FRMPD4: variants seen among roughly 807,000 people sequenced by gnomAD.
The protein encoded by FRMPD4 is FERM and PDZ domain-containing protein 4.
Under a neutral mutation model 94.1 loss-of-function variants are expected in FRMPD4, and 22 were observed. That is an observed-to-expected ratio of 0.23 (90% confidence interval 0.17 to 0.33). The LOEUF (loss-of-function observed/expected upper bound fraction) is 0.33. Among genes scored for constraint, FRMPD4 ranks in the 10% least tolerant of loss-of-function variants. FRMPD4 has a pLI of 1.00. For synonymous variants in FRMPD4, 631 were observed against 548.6 expected, an observed-to-expected ratio of 1.15 and a Z score of -2.10; for missense variants, 1,111 against 1,339.9, an observed-to-expected ratio of 0.83 and a Z score of 2.67.
At chrX:12,028,843 C>T (rs555960496) in intron 3 of FRMPD4, among the ~76,000 whole-genome samples, 3 of 111,617 alleles carry the variant, frequency 2.7e-5, no homozygotes, top group African/African-American at 9.8e-5. Flanking sequence ...GAATAATATT[C>T]CATTGTCTGA....
At chrX:11,837,125 C>T (rs2053505491) in intron 1 of FRMPD4, among the ~76,000 whole-genome samples, 1 of 111,889 alleles carries the variant, frequency 8.9e-6, no homozygotes, top group South Asian at 3.7e-4. Context: ...AATCACTTTC[C>T]TCATAGCCTT....
intron 1 of FRMPD4, among the ~76,000 whole-genome samples, chrX:12,139,465 T>G (rs1270454913): frequency 9.3e-6 from 1 of 107,624 alleles, no homozygotes; most frequent in African/African-American, 3.4e-5. Context: ...CAAAGTCAGC[T>G]CCTAGATTGA....
At chrX:11,912,420 C>T (rs1300532735) in intron 3 of FRMPD4, among the ~76,000 whole-genome samples, 1 of 112,539 alleles carries the variant, frequency 8.9e-6, no homozygotes, top group African/African-American at 3.2e-5. Flanking sequence ...GAGTTTAATA[C>T]TGCTTTTTTA....
intron 3 of FRMPD4, among the ~76,000 whole-genome samples, chrX:12,010,775 T>C (rs1187892019): frequency 8.9e-6 from 1 of 112,417 alleles, no homozygotes; most frequent in Non-Finnish European, 1.9e-5. Flanking sequence ...AGATGAAGAA[T>C]GAATGGCATC....
intron 2 of FRMPD4, among the ~76,000 whole-genome samples, chrX:12,586,860 C>A (rs1432183202): frequency 8.9e-6 from 1 of 111,951 alleles, no homozygotes; most frequent in Non-Finnish European, 1.9e-5. Flanking sequence ...TGCAAGGGAG[C>A]TTTCGTTTCC....
intron 3 of FRMPD4, among the ~76,000 whole-genome samples, chrX:12,083,199 C>T (rs1373641483): frequency 8.9e-6 from 1 of 112,762 alleles, no homozygotes; most frequent in African/African-American, 3.2e-5. Context: ...CCCAGGGTTC[C>T]CATGCTGCGT....
At chrX:11,964,464 C>T (rs1480330446) in intron 3 of FRMPD4, among the ~76,000 whole-genome samples, 1 of 111,019 alleles carries the variant, frequency 9.0e-6, no homozygotes, top group Non-Finnish European at 1.9e-5. Context: ...GTTTTTAAGA[C>T]ACTCCACTAT....
intron 1 of FRMPD4, among the ~76,000 whole-genome samples, chrX:12,289,083 T>G (rs1202251377): frequency 8.9e-6 from 1 of 111,800 alleles, no homozygotes. Context: ...CTTCTTCCTT[T>G]TTTTCTGGAT....
chrX:12,075,654 A>G (rs2055007195), intron 3 of FRMPD4, among the ~76,000 whole-genome samples: 1 of 111,826 alleles, frequency 8.9e-6, no homozygotes, highest in African/African-American at 3.3e-5. Context: ...ATTGTGGGAA[A>G]GTTAGCTTTC....
chrX:12,067,100 G>A (rs1431678444), intron 3 of FRMPD4, among the ~76,000 whole-genome samples: 6 of 109,558 alleles, frequency 5.5e-5, no homozygotes, highest in African/African-American at 2.0e-4. Context: ...TCAAACTCTT[G>A]ACCTCATGAT....
chrX:12,546,647 T>A (rs73192472), intron 2 of FRMPD4, among the ~76,000 whole-genome samples: 2,282 of 111,587 alleles, frequency 0.02, 28 homozygotes, highest in Non-Finnish European at 0.033. Context: ...CTATAAGAGG[T>A]ACCTGGTTAA....
At chrX:12,241,910 TAAGAAG>T (rs755214875) in intron 1 of FRMPD4, among the ~76,000 whole-genome samples, 17 of 83,760 alleles carry the variant, frequency 2.0e-4, no homozygotes, top group East Asian at 1.5e-3. Context: ...CTAAAAAAAA[TAAGAAG>T]AAGAAGGAGA....
intron 1 of FRMPD4, chrX:12,495,046 AG>A (rs2057831810): frequency 2.8e-6 from 2 of 715,752 alleles, no homozygotes; most frequent in Non-Finnish European, 1.7e-6. Context: ...CTGTGCACCC[AG>A]GATCACACAG....
chrX:11,943,106 A>G (rs765461363), intron 3 of FRMPD4, among the ~76,000 whole-genome samples: 1 of 111,964 alleles, frequency 8.9e-6, no homozygotes, highest in Admixed American at 9.5e-5. Context: ...AAGGACAAAC[A>G]GGCACATCTT....
chrX:12,460,406 G>C (rs2148153761), intron 1 of FRMPD4, among the ~76,000 whole-genome samples: 1 of 111,857 alleles, frequency 8.9e-6, no homozygotes, highest in South Asian at 3.7e-4. Context: ...CTTATGTTTG[G>C]AGATATGATC....
chrX:12,360,326 G>A (rs1034379703), intron 1 of FRMPD4, among the ~76,000 whole-genome samples: 6 of 111,733 alleles, frequency 5.4e-5, no homozygotes, highest in Non-Finnish European at 1.1e-4. Context: ...ATAAAATTTT[G>A]CAAAAGATTG....
intron 1 of FRMPD4, among the ~76,000 whole-genome samples, chrX:11,849,675 C>G (rs1217114602): frequency 1.0e-5 from 1 of 97,166 alleles, no homozygotes; most frequent in East Asian, 3.4e-4. Context: ...TGGGAAAGGA[C>G]AGGTTTTTTT....
At chrX:11,853,343 A>G (rs1204424454) in intron 1 of FRMPD4, among the ~76,000 whole-genome samples, 1 of 111,936 alleles carries the variant, frequency 8.9e-6, no homozygotes. Context: ...AGAACTACAG[A>G]ACCAAGAGTA....
intron 2 of FRMPD4, among the ~76,000 whole-genome samples, chrX:12,604,655 A>G (rs916363890): frequency 8.9e-6 from 1 of 112,453 alleles, no homozygotes; most frequent in Non-Finnish European, 1.9e-5. Context: ...ATAACAATCA[A>G]TACTTTGTTT....
Sources: gnomAD v4.1 joint callset for allele counts (sites outside exome capture counted in the v4.1 genomes callset) on GRCh38, gnomAD v4.1.1 for gene constraint, MANE v1.5 for transcripts, NCBI Gene and HGNC (gene_info 2026-07-23, HGNC 2026-07-21) for gene names.